Variants in RBFOX3 observed in about 807,000 individuals in gnomAD.
RBFOX3 encodes RNA binding fox-1 homolog 3, also known as RNA binding protein fox-1 homolog 3.
A neutral mutation model predicts 48.7 loss-of-function variants in RBFOX3; 17 were observed. That is an observed-to-expected ratio of 0.35 (90% CI 0.24 to 0.52). RBFOX3 has a LOEUF of 0.52. RBFOX3 is among the 20% of genes least tolerant of loss of function. The pLI, the probability that RBFOX3 is intolerant of heterozygous loss-of-function variation, is 0.94. For missense variants in RBFOX3, 382 were observed against 497.5 expected, an observed-to-expected ratio of 0.77 and a Z score of 2.21; for synonymous variants, 212 against 209.5, an observed-to-expected ratio of 1.01 and a Z score of -0.10.
chr17:79,367,281 C>T (rs1184533959), intron 2 of RBFOX3, among the ~76,000 whole-genome samples: 2 of 137,632 alleles, frequency 1.5e-5, no homozygotes, highest in Non-Finnish European at 3.1e-5. Flanking sequence ...ATCTCCTCCT[C>T]CTCCCCCTCC....
chr17:79,586,468 T>C (rs2093253020), intron 1 of RBFOX3, among the ~76,000 whole-genome samples: 1 of 152,356 alleles, frequency 6.6e-6, no homozygotes, highest in Non-Finnish European at 1.5e-5. Context: ...CAACAACTGC[T>C]GTTTCAAGCT....
rs564027798 is a variant in RBFOX3, at chr17:79,417,941, C to A, written c.-175+64513G>T. On this transcript the variant is annotated intron_variant, in intron 2 of 14. Coordinates refer to ENST00000693108, the MANE Select transcript of RBFOX3 (RefSeq NM_001350451.2). Reference sequence around the variant, plus strand: ...ACATGGGAGAACCCTGGGGACATGACGCTGAGTGAAGTAAGCTGGTCACAA... The same window carrying A: ...ACATGGGAGAACCCTGGGGACATGAAGCTGAGTGAAGTAAGCTGGTCACAA... 3.3e-5 allele frequency among the ~76,000 whole-genome samples: 5 copies of A among 152,334 alleles called. No homozygotes were observed. In the East Asian group the frequency reaches 9.7e-4, roughly 29 times the overall value.
At chr17:79,532,248 G>A (rs1259766107) in intron 1 of RBFOX3, among the ~76,000 whole-genome samples, 2 of 152,068 alleles carry the variant, frequency 1.3e-5, no homozygotes, top group African/African-American at 4.8e-5. Flanking sequence ...CTTTGTACAC[G>A]TTATCCCCTG....
Position 79,390,403 on chromosome 17 carries a change from C to A in RBFOX3, c.-174-82579G>T, listed in dbSNP as rs901991617. Among the ~76,000 whole-genome samples the A allele has an allele frequency of 6.6e-6, 1 of 152,210 alleles. No individual in the cohort carries two copies. Among genetic ancestry groups the A allele is most frequent in the Non-Finnish European group, 1.5e-5 (1 of 68,038 alleles). On this transcript the variant is annotated intron_variant, in intron 2 of 14. Transcript: ENST00000693108. The surrounding 1 kb of genome is among the most constrained non-coding windows in gnomAD (Gnocchi z 4.2). ...GGTTCCAGCTCATTCGGGGCTCAGCCCCATCTGCCCACTTTGGTGCTGGAA... is the reference window on the plus strand; with the variant it reads ...GGTTCCAGCTCATTCGGGGCTCAGCACCATCTGCCCACTTTGGTGCTGGAA...
In RBFOX3 at chr17:79,245,199, A is replaced by G. The variant is rs776776709; in HGVS notation, c.-73-9394T>C. Reference sequence around the variant, plus strand: ...GTGATCCTCCCACCTCAGCCTCCCAAGTAGCTGGGTCTACAGGCGTACGCC... The same window carrying G: ...GTGATCCTCCCACCTCAGCCTCCCAGGTAGCTGGGTCTACAGGCGTACGCC... On this transcript the variant is annotated intron_variant, in intron 3 of 14. Transcript: ENST00000693108. 3.9e-4 allele frequency among the ~76,000 whole-genome samples: 60 copies of G among 151,922 alleles called. 1 individual carries two copies. Among genetic ancestry groups the G allele is most frequent in the South Asian group, 1.3e-3 (6 of 4,800 alleles).
At chr17:79,207,183 C>T (rs906010085) in intron 4 of RBFOX3, among the ~76,000 whole-genome samples, 4 of 152,182 alleles carry the variant, frequency 2.6e-5, no homozygotes, top group South Asian at 2.1e-4. Flanking sequence ...GGTTGTTTTA[C>T]GATTCAGAAA....
chr17:79,402,163 G>A (rs2062889907), intron 2 of RBFOX3, among the ~76,000 whole-genome samples: 1 of 152,226 alleles, frequency 6.6e-6, no homozygotes, highest in African/African-American at 2.4e-5. Flanking sequence ...TCTCTGGAGA[G>A]AGAAGAAGGG....
At chr17:79,240,766 C>A (rs1481195387) in intron 3 of RBFOX3, among the ~76,000 whole-genome samples, 1 of 150,690 alleles carries the variant, frequency 6.6e-6, no homozygotes, top group African/African-American at 2.4e-5. Flanking sequence ...CAGATTCACG[C>A]CATTCTCCTG....
intron 2 of RBFOX3, among the ~76,000 whole-genome samples, chr17:79,377,193 G>A (rs2059318046): frequency 6.6e-6 from 1 of 151,936 alleles, no homozygotes; most frequent in African/African-American, 2.4e-5. Flanking sequence ...GACACACAGA[G>A]CACACGTGTA....
At chr17:79,612,517 C>T (rs1193810026), upstream of RBFOX3, among the ~76,000 whole-genome samples, 6 of 152,120 alleles carry the variant, frequency 3.9e-5, no homozygotes, top group Admixed American at 6.5e-5. Context: ...AGACAGTGGC[C>T]GCTGCCCACT....
rs2062540065 is a variant in RBFOX3, at chr17:79,242,517, T to C, written c.-73-6712A>G. Among the ~76,000 whole-genome samples the C allele has an allele frequency of 6.6e-6, 1 of 151,254 alleles. No individual in the cohort carries two copies. The highest frequency in any genetic ancestry group is 6.6e-5 in the Admixed American group (1 of 15,192). ...GTGATGTTTTCCTCCTTCTTCTGAA[T>C]AGAAATTTGCCTTTAGAGAGGAAAG... On this transcript the variant is annotated intron_variant, in intron 3 of 14. Transcript: ENST00000693108. This position sits in a 1 kb window ranked among gnomAD's most constrained non-coding sequence, Gnocchi z 5.8.
chr17:79,363,966 C>T lies in RBFOX3; in HGVS notation c.-174-56142G>A, dbSNP rs1479097143. ...GCTCCTCCACAAATCACAGCCTGTGCTCCACCACGCCCTCCTTTTCCACCA... is the reference window on the plus strand; with the variant it reads ...GCTCCTCCACAAATCACAGCCTGTGTTCCACCACGCCCTCCTTTTCCACCA... On this transcript the variant is annotated intron_variant, in intron 2 of 14. Coordinates refer to ENST00000693108, the MANE Select transcript of RBFOX3 (RefSeq NM_001350451.2). The surrounding 1 kb of genome is among the most constrained non-coding windows in gnomAD (Gnocchi z 4.7). Among the ~76,000 whole-genome samples the T allele has an allele frequency of 6.6e-6, 1 of 152,230 alleles. No homozygotes were observed. Among genetic ancestry groups the T allele is most frequent in the East Asian group, 1.9e-4 (1 of 5,198 alleles).
intron 4 of RBFOX3, among the ~76,000 whole-genome samples, chr17:79,127,612 C>G (rs1308084986): frequency 2.6e-5 from 4 of 152,152 alleles, no homozygotes; most frequent in Admixed American, 2.0e-4. Flanking sequence ...AGGGAAGGCC[C>G]AGGTGCCCCC....
chr17:79,130,758 C>T (rs1044653771), intron 4 of RBFOX3, among the ~76,000 whole-genome samples: 8 of 152,274 alleles, frequency 5.3e-5, no homozygotes, highest in Admixed American at 3.9e-4. Flanking sequence ...GTCCCTGGAA[C>T]GAGTGGAGTG....
At chr17:79,467,653 G>A (rs2076494500) in intron 2 of RBFOX3, among the ~76,000 whole-genome samples, 1 of 152,248 alleles carries the variant, frequency 6.6e-6, no homozygotes, top group South Asian at 2.1e-4. Flanking sequence ...TGTTCCGTGG[G>A]GCTTAGGGCC....
At chr17:79,245,991 T>C (rs1447817431) in intron 3 of RBFOX3, among the ~76,000 whole-genome samples, 1 of 152,044 alleles carries the variant, frequency 6.6e-6, no homozygotes, top group Non-Finnish European at 1.5e-5. Flanking sequence ...CCATTTCCCA[T>C]TTTGCTTCAG....
chr17:79,133,423 T>C (rs2612791), intron 4 of RBFOX3, among the ~76,000 whole-genome samples: 27,859 of 152,166 alleles, frequency 0.18, 2,694 homozygotes, highest in Middle Eastern at 0.22. Flanking sequence ...GAGCACCTAC[T>C]AGCCATCTCT....
chr17:79,266,819 G>A (rs889954080), intron 3 of RBFOX3, among the ~76,000 whole-genome samples: 3 of 152,180 alleles, frequency 2.0e-5, no homozygotes, highest in South Asian at 2.1e-4. Flanking sequence ...GTGTGGTGGA[G>A]CTTCCTGCTT....
upstream of RBFOX3, among the ~76,000 whole-genome samples, chr17:79,611,169 T>TCTCTCTCTCTCTCTCTCTCG: frequency 8.1e-3 from 209 of 25,914 alleles, 51 homozygotes; most frequent in Non-Finnish European, 0.013. Flanking sequence ...TCTCTCTCTC[T>TCTCTCTCTCTCTCTCTCTCG]CTCTCCGCCC....
Sources: gnomAD v4.1 joint callset for allele counts (sites outside exome capture counted in the v4.1 genomes callset) on GRCh38, gnomAD v4.1.1 for gene constraint, Gnocchi (gnomAD v3.1) non-coding constraint, MANE v1.5 for transcripts, NCBI Gene and HGNC (gene_info 2026-07-23, HGNC 2026-07-21) for gene names.